The following HIPK2 variants were observed in gnomAD, a reference collection of about 807,000 sequenced individuals.
The protein encoded by HIPK2 is homeodomain interacting protein kinase 2.
A neutral mutation model predicts 113.7 loss-of-function variants in HIPK2; 27 were observed. The observed-to-expected ratio is 0.24, with a 90% CI of 0.17 to 0.33. The LOEUF (loss-of-function observed/expected upper bound fraction) is 0.33, where lower values mean the gene tolerates loss of function less well. HIPK2 is among the 10% of genes least tolerant of loss of function. The probability of loss-of-function intolerance (pLI) is 1.00; values close to 1 mark genes in which losing one functional copy is unlikely to be tolerated. For synonymous variants in HIPK2, 631 were observed against 642.2 expected (o/e 0.98, Z 0.26); for missense variants, 1,257 against 1,588.0 (o/e 0.79, Z 3.54).
chr7:139,741,394 C>G (rs1050773246), intron 1 of HIPK2, among the ~76,000 whole-genome samples: 2 of 152,182 alleles, frequency 1.3e-5, no homozygotes, highest in Admixed American at 1.3e-4. Flanking sequence ...TGTCCTCTTG[C>G]AACATTTCAC....
chr7:139,754,970 T>C (rs1796340947), intron 1 of HIPK2, among the ~76,000 whole-genome samples: 1 of 152,104 alleles, frequency 6.6e-6, no homozygotes, highest in African/African-American at 2.4e-5. Flanking sequence ...TCTCCATAAG[T>C]ACTTTAAAAA....
intron 13 of HIPK2, among the ~76,000 whole-genome samples, chr7:139,582,857 C>A (rs1798712905): frequency 6.6e-6 from 1 of 152,242 alleles, no homozygotes; most frequent in South Asian, 2.1e-4. Flanking sequence ...CCCCATCCTG[C>A]CTCTACGCTT....
At chr7:139,589,377 A>G (rs1038863483) in intron 12 of HIPK2, among the ~76,000 whole-genome samples, 3 of 151,488 alleles carry the variant, frequency 2.0e-5, no homozygotes, top group African/African-American at 7.3e-5. Context: ...CTTCCTTAGG[A>G]TCTGAGTAGT....
intron 12 of HIPK2, among the ~76,000 whole-genome samples, chr7:139,592,766 T>C (rs1475143762): frequency 6.6e-6 from 1 of 152,204 alleles, no homozygotes; most frequent in Non-Finnish European, 1.5e-5. Context: ...CTAATCGAAA[T>C]TGTCTATAAA....
intron 2 of HIPK2, among the ~76,000 whole-genome samples, chr7:139,665,193 A>G (rs1397165636): frequency 6.6e-6 from 1 of 152,096 alleles, no homozygotes; most frequent in Non-Finnish European, 1.5e-5. Flanking sequence ...GCATGCCACT[A>G]TGCCAGGTTG....
chr7:139,716,837 G>A lies in HIPK2; in HGVS notation c.198C>T (p.Thr66=), dbSNP rs558517421. Residue 66 remains threonine, a synonymous_variant, in exon 2 of 15, where the codon ACC becomes ACT. Coordinates refer to ENST00000406875, the MANE Select transcript of HIPK2 (RefSeq NM_022740.5). This position sits in a 1 kb window ranked among gnomAD's most constrained non-coding sequence, Gnocchi z 9.3. ...TTGGGACCGGCAAGGAGGTGCTGACGGTTGTGGTGGCTGGCTGCGACAGGG... is the reference window on the plus strand; with the variant it reads ...TTGGGACCGGCAAGGAGGTGCTGACAGTTGTGGTGGCTGGCTGCGACAGGG... ...NIPLSQPATT[T]VSTSLPVPNP... 9.3e-6 allele frequency: 15 copies of A among 1,613,916 alleles called. No individual in the cohort carries two copies. The East Asian group carries it at 1.8e-4, about 19-fold the overall frequency.
At chr7:139,705,637 A>G (rs1794870524) in intron 2 of HIPK2, among the ~76,000 whole-genome samples, 1 of 152,066 alleles carries the variant, frequency 6.6e-6, no homozygotes, top group Admixed American at 6.5e-5. Flanking sequence ...TCGGCCTCCC[A>G]AAGTGCTGGG....
At chr7:139,702,400 T>G (rs1358194467) in intron 2 of HIPK2, among the ~76,000 whole-genome samples, 1 of 152,144 alleles carries the variant, frequency 6.6e-6, no homozygotes, top group Non-Finnish European at 1.5e-5. Flanking sequence ...CACAGCCCAG[T>G]CACGGGGGTG....
chr7:139,693,221 C>G (rs753459373), intron 2 of HIPK2, among the ~76,000 whole-genome samples: 3 of 152,182 alleles, frequency 2.0e-5, no homozygotes, highest in Admixed American at 6.5e-5. Flanking sequence ...TTGTGAAGAA[C>G]AGAGAAAATG....
At chr7:139,627,298 CTATGTATGTATG>C (rs34240424) in intron 5 of HIPK2, among the ~76,000 whole-genome samples, 15 of 148,560 alleles carry the variant, frequency 1.0e-4, no homozygotes, top group East Asian at 4.0e-4. Context: ...ACAAAAAAGT[CTATGTATGTATG>C]TATGTATGTA....
At chr7:139,724,434 T>C (rs1795507585) in intron 1 of HIPK2, among the ~76,000 whole-genome samples, 1 of 152,234 alleles carries the variant, frequency 6.6e-6, no homozygotes, top group Non-Finnish European at 1.5e-5. Context: ...CCATTTTCAA[T>C]CAATGTCTGT....
At chr7:139,747,410 G>A (rs1796207454) in intron 1 of HIPK2, among the ~76,000 whole-genome samples, 1 of 152,120 alleles carries the variant, frequency 6.6e-6, no homozygotes, top group Non-Finnish European at 1.5e-5. Flanking sequence ...GTACATCAAG[G>A]GCCGGCACTT....
rs902710511 is a variant in HIPK2, at chr7:139,701,097, C to G, written c.1103+14835G>C. ...CTGCATGGCGTCCTGTGGGGAGCCA[C>G]GTGAATGCGTTTCTTGCAAGGGCAG... On this transcript the variant is annotated intron_variant, in intron 2 of 14. Transcript: ENST00000406875. Among the ~76,000 whole-genome samples, 247 of 152,324 alleles carry G rather than the reference C, an allele frequency of 1.6e-3. 1 individual carries two copies. Among genetic ancestry groups the G allele is most frequent in the Middle Eastern group, 3.4e-3 (1 of 294 alleles).
At chr7:139,674,310 C>T (rs1802416392) in intron 2 of HIPK2, among the ~76,000 whole-genome samples, 2 of 152,124 alleles carry the variant, frequency 1.3e-5, no homozygotes, top group South Asian at 2.1e-4. Context: ...TTTGGTTTTT[C>T]AATCTTTTAA....
chr7:139,626,893 C>G (rs1585296341), intron 5 of HIPK2, 108 bp from the exon 6 acceptor site: 2 of 1,257,060 alleles, frequency 1.6e-6, no homozygotes, highest in East Asian at 2.3e-5. Context: ...CTCAAGCCCC[C>G]TTTCTCAGTT....
rs1429592939 is a variant in HIPK2 at position 139,626,568 on chromosome 7, TCCCTGGTACGAAGCATCAGGCAG to T, written c.1619+10_1619+32del. On this transcript the variant is annotated intron_variant, in intron 6 of 14. Transcript: ENST00000406875. ...TGTCTGGGCCTTTAAAGTTTGCCGA[TCCCTGGTACGAAGCATCAGGCAG>T]GACACCTACTGTGTGCTGTGGGGAA... 3 of 1,596,696 alleles carry T rather than the reference TCCCTGGTACGAAGCATCAGGCAG, an allele frequency of 1.9e-6. No individual in the cohort carries two copies. In the African/African-American group the frequency reaches 4.0e-5, roughly 21 times the overall value.
At chr7:139,649,528 G>A (rs1801378985) in intron 2 of HIPK2, among the ~76,000 whole-genome samples, 1 of 150,626 alleles carries the variant, frequency 6.6e-6, no homozygotes, top group Non-Finnish European at 1.5e-5. Context: ...AGGAGGCAGA[G>A]GTGATGTAGA....
chr7:139,661,528 C>T (rs80242114), intron 2 of HIPK2, among the ~76,000 whole-genome samples: 3,602 of 152,252 alleles, frequency 0.024, 148 homozygotes, highest in African/African-American at 0.082. Flanking sequence ...GATCCTTCTA[C>T]TACCCTTCAC....
intron 2 of HIPK2, among the ~76,000 whole-genome samples, chr7:139,685,282 C>T (rs551855827): frequency 1.2e-3 from 179 of 152,188 alleles, no homozygotes; most frequent in Admixed American, 3.7e-3. Context: ...GTGATCCTCC[C>T]ACCTCAGCCT....
Sources: gnomAD v4.1 joint callset for allele counts (sites outside exome capture counted in the v4.1 genomes callset) on GRCh38, gnomAD v4.1.1 for gene constraint, Gnocchi (gnomAD v3.1) non-coding constraint, MANE v1.5 for transcripts, NCBI Gene and HGNC (gene_info 2026-07-23, HGNC 2026-07-21) for gene names.